Variants in FAM228B observed in about 807,000 individuals in gnomAD.
FAM228B encodes the protein protein FAM228B.
In FAM228B, 38 loss-of-function variants were observed where a neutral mutation model predicts 42.6. The ratio of observed to expected loss-of-function variants is 0.89; its 90% CI spans 0.69 to 1.17. The LOEUF is 1.17. FAM228B is among the 50% of genes most tolerant of loss of function. The pLI is 0.00. For missense variants in FAM228B, 344 were observed against 367.3 expected, an observed-to-expected ratio of 0.94 and a Z score of 0.52; for synonymous variants, 109 against 122.3, an observed-to-expected ratio of 0.89 and a Z score of 0.72.
intron 7 of FAM228B, among the ~76,000 whole-genome samples, chr2:24,152,908 C>G (rs1216046247): frequency 6.6e-6 from 1 of 152,198 alleles, no homozygotes; most frequent in African/African-American, 2.4e-5. Flanking sequence ...CACCACAGTA[C>G]AAAATCCTTC....
rs1407028555 is a variant in FAM228B, at chr2:24,077,064, G to T, written c.-290+95G>T. On this transcript the variant is annotated intron_variant, in intron 1 of 10. Coordinates refer to the FAM228B transcript ENST00000613899. This position sits in a 1 kb window ranked among gnomAD's most constrained non-coding sequence, Gnocchi z 5.5. Reference sequence around the variant, plus strand: ...GAGGTGGTTGGGGCTGAGGAAAGTGGTGGAGGTGGGGCGGGGCTCAGATGT... The same window carrying T: ...GAGGTGGTTGGGGCTGAGGAAAGTGTTGGAGGTGGGGCGGGGCTCAGATGT... 6.3e-6 allele frequency: 1 copy of T among 158,194 alleles called. No homozygotes were observed. Among genetic ancestry groups the T allele is most frequent in the East Asian group, 2.0e-4 (1 of 5,104 alleles). The allele number at this position is 158,194 out of a possible 1,614,324, so 9.8% of individuals were successfully genotyped here.
intron 2 of FAM228B, among the ~76,000 whole-genome samples, chr2:24,089,986 A>AAC (rs1372966421): frequency 3.5e-4 from 53 of 150,316 alleles, no homozygotes; most frequent in African/African-American, 1.3e-3. Context: ...GAAAAAAAAA[A>AAC]AAAAACGCCG....
intron 7 of FAM228B, 39 bp from the exon 8 acceptor site, chr2:24,161,467 G>T: frequency 8.1e-7 from 1 of 1,228,650 alleles, no homozygotes; most frequent in South Asian, 1.4e-5. Context: ...CAATAAAAAA[G>T]AACAAAAAAA....
intron 2 of FAM228B, among the ~76,000 whole-genome samples, chr2:24,087,823 C>T (rs571348483): frequency 5.4e-5 from 8 of 149,416 alleles, no homozygotes; most frequent in Admixed American, 5.3e-4. Flanking sequence ...ACTCTGTCAC[C>T]CAGGCGATCT....
intron 2 of FAM228B, among the ~76,000 whole-genome samples, chr2:24,130,543 C>T (rs1050380644): frequency 2.6e-5 from 4 of 152,166 alleles, no homozygotes; most frequent in African/African-American, 9.7e-5. Context: ...TTTTCATTTG[C>T]ATTGCTCTAA....
At chr2:24,078,176 G>C (rs1198003925) in intron 1 of FAM228B, among the ~76,000 whole-genome samples, 1 of 152,106 alleles carries the variant, frequency 6.6e-6, no homozygotes, top group African/African-American at 2.4e-5. Flanking sequence ...TCTTCCACTA[G>C]TTTTACACCC....
chr2:24,119,356 GAAGTC>G (rs1666024728), upstream of FAM228B, among the ~76,000 whole-genome samples: 1 of 152,206 alleles, frequency 6.6e-6, no homozygotes, highest in Non-Finnish European at 1.5e-5. Flanking sequence ...GACTCATTTA[GAAGTC>G]AAGACAGAAT....
At chr2:24,146,703 A>T in intron 5 of FAM228B, 45 bp from the exon 6 acceptor site, 2 of 1,344,334 alleles carry the variant, frequency 1.5e-6, no homozygotes, top group South Asian at 1.3e-5. Flanking sequence ...AATGTTTACT[A>T]CTCAGACTTG....
chr2:24,111,543 C>T (rs1472758635), intron 3 of FAM228B, among the ~76,000 whole-genome samples: 1 of 152,090 alleles, frequency 6.6e-6, no homozygotes, highest in African/African-American at 2.4e-5. Flanking sequence ...AGCTTTGGGC[C>T]TTGGCATCCC....
chr2:24,141,210 G>A (rs1224576104), intron 5 of FAM228B, among the ~76,000 whole-genome samples: 3 of 151,906 alleles, frequency 2.0e-5, no homozygotes, highest in Non-Finnish European at 4.4e-5. Flanking sequence ...GAGTAACTGG[G>A]ATTACAGGCA....
chr2:24,119,476 T>A, upstream of FAM228B: 1 of 799,160 alleles, frequency 1.3e-6, no homozygotes, highest in Non-Finnish European at 2.0e-6. Flanking sequence ...AATAAATTCC[T>A]CCTTTCTGCC....
At chr2:24,120,013 A>T (rs1189588129), upstream of FAM228B, among the ~76,000 whole-genome samples, 2 of 152,186 alleles carry the variant, frequency 1.3e-5, no homozygotes, top group African/African-American at 4.8e-5. Context: ...TCCCGCCTGT[A>T]ATCCCAGCAC....
intron 2 of FAM228B, among the ~76,000 whole-genome samples, chr2:24,089,915 C>T (rs1314083997): frequency 6.9e-5 from 10 of 144,236 alleles, no homozygotes; most frequent in Admixed American, 1.4e-4. Flanking sequence ...TGTGGTGAGC[C>T]GAGATTGTGC....
intron 3 of FAM228B, among the ~76,000 whole-genome samples, chr2:24,116,129 C>T (rs1023254672): frequency 6.6e-6 from 1 of 151,894 alleles, no homozygotes; most frequent in Non-Finnish European, 1.5e-5. Flanking sequence ...GAGATCGAGA[C>T]CATCCTGGCT....
At chr2:24,091,917 A>T (rs1038930902) in intron 2 of FAM228B, among the ~76,000 whole-genome samples, 2 of 152,086 alleles carry the variant, frequency 1.3e-5, no homozygotes, top group Non-Finnish European at 2.9e-5. Flanking sequence ...AATCCCCCCA[A>T]ATGACCAATA....
At chr2:24,136,480 T>C (rs1666591959) in intron 3 of FAM228B, among the ~76,000 whole-genome samples, 4 of 152,206 alleles carry the variant, frequency 2.6e-5, no homozygotes. Context: ...CACCTCGGCC[T>C]CCCAAAGTGC....
intron 2 of FAM228B, 78 bp from the exon 3 acceptor site, chr2:24,135,041 A>G (rs1666547764): frequency 2.2e-6 from 2 of 915,544 alleles, no homozygotes; most frequent in Admixed American, 5.4e-5. Context: ...TATGTCTGTC[A>G]TGCTAAATAT....
At chr2:24,157,824 T>C (rs1667184384) in intron 7 of FAM228B, among the ~76,000 whole-genome samples, 1 of 152,186 alleles carries the variant, frequency 6.6e-6, no homozygotes, top group Non-Finnish European at 1.5e-5. Context: ...ATCAGTCTTT[T>C]TTCAAGATCC....
chr2:24,082,421 G>A (rs1351175184), intron 2 of FAM228B, among the ~76,000 whole-genome samples: 1 of 152,150 alleles, frequency 6.6e-6, no homozygotes, highest in Non-Finnish European at 1.5e-5. Flanking sequence ...CATAGACAGG[G>A]CTATCCTTCT....
Sources: allele counts gnomAD v4.1 joint callset (sites outside exome capture counted in the v4.1 genomes callset), GRCh38; gene constraint gnomAD v4.1.1; non-coding constraint Gnocchi (gnomAD v3.1); transcripts MANE v1.5; gene names NCBI Gene and HGNC (gene_info 2026-07-23, HGNC 2026-07-21).